NTNG1: variants seen among roughly 807,000 people sequenced by gnomAD.
NTNG1 encodes the protein netrin-G1.
In NTNG1, 16 loss-of-function variants were observed where a neutral mutation model predicts 54.0. The observed-to-expected ratio is 0.30, with a 90% CI of 0.20 to 0.45. The LOEUF (loss-of-function observed/expected upper bound fraction) is 0.45, where lower values mean the gene tolerates loss of function less well. Ranked by LOEUF, NTNG1 falls within the 20% of genes least tolerant of loss-of-function variation. The probability of loss-of-function intolerance (pLI) is 1.00; values close to 1 mark genes in which losing one functional copy is unlikely to be tolerated. For synonymous variants in NTNG1, 255 were observed against 263.1 expected, an observed-to-expected ratio of 0.97 and a Z score of 0.30; for missense variants, 530 against 678.7, an observed-to-expected ratio of 0.78 and a Z score of 2.43.
At chr1:107,441,363 A>C (rs1675953898) in intron 7 of NTNG1, among the ~76,000 whole-genome samples, 1 of 152,088 alleles carries the variant, frequency 6.6e-6, no homozygotes, top group African/African-American at 2.4e-5. Flanking sequence ...TAAATCCACC[A>C]ATTGTTAACT....
At chr1:107,477,015 A>G (rs1441938151) in intron 7 of NTNG1, among the ~76,000 whole-genome samples, 1 of 152,278 alleles carries the variant, frequency 6.6e-6, no homozygotes, top group Admixed American at 6.5e-5. Flanking sequence ...AGAACAGGAT[A>G]CTGAAGTAAT....
intron 2 of NTNG1, among the ~76,000 whole-genome samples, chr1:107,252,498 C>A (rs1238781469): frequency 1.3e-5 from 2 of 152,194 alleles, no homozygotes; most frequent in Admixed American, 6.5e-5. Context: ...GCTGAAACTT[C>A]TGTCTGTTCT....
intron 7 of NTNG1, among the ~76,000 whole-genome samples, chr1:107,437,549 A>G (rs192968959): frequency 4.6e-5 from 7 of 152,282 alleles, no homozygotes; most frequent in Non-Finnish European, 8.8e-5. Context: ...TCATCTATAG[A>G]CAGGTATTTT....
chr1:107,229,184 C>T (rs1181097359), intron 2 of NTNG1, among the ~76,000 whole-genome samples: 1 of 151,852 alleles, frequency 6.6e-6, no homozygotes, highest in South Asian at 2.1e-4. Context: ...TGAAGAAGGG[C>T]TCTTCGGATG....
chr1:107,246,137 C>T (rs551194354), intron 2 of NTNG1, among the ~76,000 whole-genome samples: 5 of 152,154 alleles, frequency 3.3e-5, no homozygotes, highest in East Asian at 1.9e-4. Context: ...CTGCAAGCTC[C>T]GCCTCCTGGG....
intron 2 of NTNG1, among the ~76,000 whole-genome samples, chr1:107,229,218 G>T (rs920294361): frequency 9.2e-5 from 14 of 151,426 alleles, no homozygotes; most frequent in African/African-American, 3.4e-4. Flanking sequence ...ATAACTGATT[G>T]CAGGGCAATC....
chr1:107,258,352 T>C (rs1018112292), intron 2 of NTNG1, among the ~76,000 whole-genome samples: 4 of 151,946 alleles, frequency 2.6e-5, no homozygotes, highest in Admixed American at 2.6e-4. Context: ...TGCAGGTTTA[T>C]CTCTGAATTA....
At chr1:107,452,340 T>C (rs1278823832) in intron 7 of NTNG1, among the ~76,000 whole-genome samples, 1 of 152,208 alleles carries the variant, frequency 6.6e-6, no homozygotes, top group Non-Finnish European at 1.5e-5. Context: ...CAGTAAATTA[T>C]GTGTGTCTAT....
At chr1:107,152,515 G>A (rs566883874) in intron 2 of NTNG1, among the ~76,000 whole-genome samples, 3 of 152,114 alleles carry the variant, frequency 2.0e-5, no homozygotes, top group Non-Finnish European at 4.4e-5. Flanking sequence ...GTTATCTCTA[G>A]CCTGCAGCTA....
intron 3 of NTNG1, chr1:107,333,979 A>G (rs1268531743): frequency 6.6e-6 from 1 of 151,902 alleles, no homozygotes; most frequent in Non-Finnish European, 1.5e-5. Context: ...AGAGTCAGCA[A>G]AGATGTGAAA....
At chr1:107,338,557 C>A (rs149987400) in intron 3 of NTNG1, among the ~76,000 whole-genome samples, 1 of 151,822 alleles carries the variant, frequency 6.6e-6, no homozygotes, top group African/African-American at 2.4e-5. Flanking sequence ...CAGGCAAGCA[C>A]CTAGGAGGCC....
intron 7 of NTNG1, among the ~76,000 whole-genome samples, chr1:107,458,705 AT>A (rs1438398344): frequency 6.6e-6 from 1 of 152,134 alleles, no homozygotes; most frequent in African/African-American, 2.4e-5. Context: ...AAAACATGTA[AT>A]GTCTTACCAT....
intron 2 of NTNG1, among the ~76,000 whole-genome samples, chr1:107,290,949 TG>T (rs1665540923): frequency 5.8e-5 from 8 of 139,098 alleles, no homozygotes; most frequent in African/African-American, 2.3e-4. Context: ...TATTTTAAAG[TG>T]CATATATATA....
At chr1:107,335,492 G>T (rs1231503426) in intron 3 of NTNG1, among the ~76,000 whole-genome samples, 2 of 151,832 alleles carry the variant, frequency 1.3e-5, no homozygotes, top group African/African-American at 4.8e-5. Context: ...ATGTCTTTAT[G>T]AAAATAATTG....
intron 6 of NTNG1, among the ~76,000 whole-genome samples, chr1:107,433,448 A>G (rs1675399650): frequency 6.6e-6 from 1 of 152,234 alleles, no homozygotes; most frequent in Admixed American, 6.5e-5. Flanking sequence ...CAGAAGGCTG[A>G]GGCAGGAGAA....
intron 2 of NTNG1, among the ~76,000 whole-genome samples, chr1:107,287,403 T>A (rs1303765569): frequency 6.6e-6 from 1 of 152,198 alleles, no homozygotes; most frequent in Non-Finnish European, 1.5e-5. Context: ...TTTTGGAGCG[T>A]TAGCCTTCAA....
At chr1:107,455,496 G>T (rs1386646320) in intron 7 of NTNG1, 3 of 392,618 alleles carry the variant, frequency 7.6e-6, no homozygotes, top group Non-Finnish European at 1.6e-5. Context: ...TTCCAAAGCA[G>T]CAGGCTTGTT....
At chr1:107,454,804 G>A (rs1413943075) in intron 7 of NTNG1, among the ~76,000 whole-genome samples, 2 of 152,138 alleles carry the variant, frequency 1.3e-5, no homozygotes, top group Non-Finnish European at 2.9e-5. Context: ...CCCTATAATA[G>A]AAGATACCAT....
At chr1:107,423,495 A>T (rs997713846) in intron 5 of NTNG1, among the ~76,000 whole-genome samples, 2 of 152,046 alleles carry the variant, frequency 1.3e-5, no homozygotes, top group African/African-American at 4.8e-5. Context: ...GAAGGCCTGG[A>T]TCGCATTCCC....
Sources: allele counts gnomAD v4.1 joint callset (sites outside exome capture counted in the v4.1 genomes callset), GRCh38; gene constraint gnomAD v4.1.1; transcripts MANE v1.5; gene names NCBI Gene and HGNC (gene_info 2026-07-23, HGNC 2026-07-21).